The following BRD7 variants were observed in gnomAD, a reference collection of about 807,000 sequenced individuals.
BRD7 encodes bromodomain-containing protein 7.
A neutral mutation model predicts 82.1 loss-of-function variants in BRD7; 15 were observed. That is an observed-to-expected ratio of 0.18 (90% CI 0.12 to 0.28). The LOEUF is 0.28. BRD7 is among the 10% of genes least tolerant of loss of function. BRD7 has a pLI of 1.00. For synonymous variants in BRD7, 232 were observed against 266.9 expected, an observed-to-expected ratio of 0.87 and a Z score of 1.27; for missense variants, 638 against 779.9, an observed-to-expected ratio of 0.82 and a Z score of 2.17.
chr16:50,346,323 A>C (rs1275341029), intron 5 of BRD7, among the ~76,000 whole-genome samples: 1 of 152,234 alleles, frequency 6.6e-6, no homozygotes, highest in Admixed American at 6.5e-5. Flanking sequence ...GGCAGGAAAG[A>C]TCTAAAATTG....
chr16:50,365,021 G>A (rs1030765377), intron 2 of BRD7, among the ~76,000 whole-genome samples: 4 of 152,164 alleles, frequency 2.6e-5, no homozygotes, highest in Admixed American at 1.3e-4. Flanking sequence ...AAGGCAAATG[G>A]GGTGATTTGC....
intron 8 of BRD7, among the ~76,000 whole-genome samples, chr16:50,332,476 T>C (rs947600595): frequency 6.6e-6 from 1 of 152,028 alleles, no homozygotes; most frequent in Non-Finnish European, 1.5e-5. Context: ...ATATCATTAC[T>C]AAAAACTCAA....
At chr16:50,355,748 A>C (rs1469234701) in intron 2 of BRD7, among the ~76,000 whole-genome samples, 1 of 152,252 alleles carries the variant, frequency 6.6e-6, no homozygotes, top group Non-Finnish European at 1.5e-5. Context: ...AAAGAAAAGC[A>C]TCTTTAAGAC....
At chr16:50,334,605 G>GA (rs1260359885) in intron 7 of BRD7, 106 bp downstream of exon 7, 3 of 1,327,278 alleles carry the variant, frequency 2.3e-6, no homozygotes, top group Non-Finnish European at 3.1e-6. Context: ...CACCACCACC[G>GA]ACACACTAGC....
At chr16:50,329,881 CATAT>C (rs1186778231) in intron 8 of BRD7, among the ~76,000 whole-genome samples, 4 of 152,358 alleles carry the variant, frequency 2.6e-5, no homozygotes, top group Admixed American at 6.5e-5. Flanking sequence ...CATATACACA[CATAT>C]GTCTACTGTT....
chr16:50,339,505 G>T (rs1318314039), intron 6 of BRD7, among the ~76,000 whole-genome samples: 1 of 152,188 alleles, frequency 6.6e-6, no homozygotes, highest in Non-Finnish European at 1.5e-5. Context: ...TAAAAATACA[G>T]TATTACAATC....
chr16:50,332,292 G>A (rs189015613), intron 8 of BRD7, among the ~76,000 whole-genome samples: 11 of 152,146 alleles, frequency 7.2e-5, no homozygotes, highest in African/African-American at 2.7e-4. Flanking sequence ...GTATCTATAA[G>A]GAACTTAAAT....
chr16:50,357,102 T>C (rs947421782), intron 2 of BRD7, among the ~76,000 whole-genome samples: 6 of 152,234 alleles, frequency 3.9e-5, no homozygotes, highest in Admixed American at 1.3e-4. Context: ...CAAGCTTTAG[T>C]GTGCATTAGA....
intron 6 of BRD7, among the ~76,000 whole-genome samples, chr16:50,338,941 A>G (rs938807604): frequency 1.3e-5 from 2 of 152,194 alleles, no homozygotes; most frequent in African/African-American, 4.8e-5. Context: ...TGGTGAGAAA[A>G]ACCTCAAAAG....
chr16:50,358,437 G>A (rs930489673), intron 2 of BRD7, among the ~76,000 whole-genome samples: 14 of 149,146 alleles, frequency 9.4e-5, no homozygotes, highest in South Asian at 6.5e-4. Context: ...TGGAGGTTGC[G>A]GTAAGTCGAG....
In BRD7 at chr16:50,318,078, A is replaced by AAAG. The variant is rs1157829788; in HGVS notation, c.*1130_*1132dup. On this transcript the variant is annotated 3_prime_UTR_variant, in exon 17 of 17. Transcript: ENST00000394688. ...TTTCAAAATGCTGTTTCATTTTTAT[A>AAAG]AAGTACCAGTGTTTAGCTGCTTTTT... is the stretch of plus-strand genomic sequence containing the variant. 6.6e-6 allele frequency: 1 copy of AAAG among 152,322 alleles called. No homozygotes were observed. The highest frequency in any genetic ancestry group is 1.5e-5 in the Non-Finnish European group (1 of 68,034). The allele number at this position is 152,322 out of a possible 1,614,324, so 9.4% of individuals were successfully genotyped here.
At chr16:50,349,469 C>G in intron 5 of BRD7, 1 of 458,376 alleles carries the variant, frequency 2.2e-6, no homozygotes, top group Admixed American at 2.4e-5. Flanking sequence ...TTCACTCTCT[C>G]CTGCTGCCAT....
chr16:50,368,297 C>T lies in BRD7; in HGVS notation c.51G>A (p.Glu17=), dbSNP rs199881319. ...CCAGCTTCAAGGGCTTCTCTACATA[C>T]TCTTAAAAAAAGAAAAGAAAAGAAA... ...KHKSDKHLYE[E]YVEKPLKLVL... Residue 17 remains glutamate (E), a splice_region_variant and synonymous_variant, in exon 2 of 17, where the codon GAG becomes GAA. Transcript: ENST00000394688. The T allele has an allele frequency of 1.4e-5, 22 of 1,611,578 alleles. No homozygotes were observed. Among genetic ancestry groups the T allele is most frequent in the Middle Eastern group, 1.7e-4 (1 of 6,038 alleles).
At chr16:50,333,317 C>G (rs2037650917) in intron 8 of BRD7, among the ~76,000 whole-genome samples, 1 of 152,078 alleles carries the variant, frequency 6.6e-6, no homozygotes, top group African/African-American at 2.4e-5. Context: ...ACAGATGGTC[C>G]TCAACTTACA....
chr16:50,321,351 A>G (rs2037093497), intron 13 of BRD7, among the ~76,000 whole-genome samples: 1 of 152,298 alleles, frequency 6.6e-6, no homozygotes, highest in Non-Finnish European at 1.5e-5. Flanking sequence ...ACCTGACATT[A>G]GGAGTTTGAA....
At chr16:50,360,521 G>A (rs1296442523) in intron 2 of BRD7, among the ~76,000 whole-genome samples, 1 of 152,158 alleles carries the variant, frequency 6.6e-6, no homozygotes, top group Non-Finnish European at 1.5e-5. Context: ...TTAGCTCTAT[G>A]ATGCTTTCCC....
At chr16:50,351,062 A>G (rs531072834) in intron 4 of BRD7, among the ~76,000 whole-genome samples, 10 of 152,214 alleles carry the variant, frequency 6.6e-5, no homozygotes, top group Non-Finnish European at 1.2e-4. Flanking sequence ...AATCTGGCAC[A>G]CCAAAAGTTT....
rs896026330 is a variant in BRD7, at chr16:50,340,147, C to T, written c.592-61G>A. Reference sequence around the variant, plus strand: ...TGCAAAACAAACTACCCTGCACCCCCAGGTTGAAAATATACAGGTCCTCTA... The same window carrying T: ...TGCAAAACAAACTACCCTGCACCCCTAGGTTGAAAATATACAGGTCCTCTA... On this transcript the variant is annotated intron_variant, in intron 5 of 16. Coordinates refer to ENST00000394688, the MANE Select transcript of BRD7 (RefSeq NM_013263.5). 3.4e-5 allele frequency: 31 copies of T among 924,080 alleles called. No homozygotes were observed. The African/African-American group carries it at 4.7e-4, about 14-fold the overall frequency. The allele number at this position is 924,080 out of a possible 1,614,324, so 57.2% of individuals were successfully genotyped here.
At chr16:50,365,561 T>A (rs535053972) in intron 2 of BRD7, among the ~76,000 whole-genome samples, 5 of 151,224 alleles carry the variant, frequency 3.3e-5, no homozygotes, top group African/African-American at 9.7e-5. Context: ...AAAAGAAAAC[T>A]TAGGAGAAAA....
Sources: allele counts gnomAD v4.1 joint callset (sites outside exome capture counted in the v4.1 genomes callset), GRCh38; gene constraint gnomAD v4.1.1; transcripts MANE v1.5; gene names NCBI Gene and HGNC (gene_info 2026-07-23, HGNC 2026-07-21).